The following F10 variants were observed in gnomAD, a reference collection of about 807,000 sequenced individuals.
The protein encoded by F10 is Stuart-Prower factor.
F10 carries 29 observed loss-of-function variants against 37.1 expected under a neutral mutation model. The ratio of observed to expected loss-of-function variants is 0.78; its 90% CI spans 0.58 to 1.07. The LOEUF is 1.07. Ranked by LOEUF, F10 falls within the 50% of genes least tolerant of loss-of-function variation. F10 has a pLI of 0.00. For synonymous variants in F10, 262 were observed against 268.6 expected (o/e 0.98, Z 0.24); for missense variants, 539 against 667.9 (o/e 0.81, Z 2.13).
chr13:113,143,705 GGCCTCGCCC>G lies in F10; in HGVS notation c.503-145_503-137del. 1.8e-4 allele frequency: 219 copies of G among 1,192,568 alleles called. No homozygotes were observed. The highest frequency in any genetic ancestry group is 1.2e-3 in the Admixed American group (48 of 41,630). The allele number at this position is 1,192,568 out of a possible 1,614,324, so 73.9% of individuals were successfully genotyped here. A position where few individuals can be genotyped will look rare whatever the true frequency, so the allele number is the denominator to read the frequency against. On this transcript the variant is annotated intron_variant, in intron 5 of 7. Transcript: ENST00000375559. This position sits in a 1 kb window ranked among gnomAD's most constrained non-coding sequence, Gnocchi z 6.8. ...GATCCGACCCCTGCCGACGACGTGG[GGCCTCGCCC>G]TGCAAGCCCGCTGCCCCTCCGGGTG... is the stretch of plus-strand genomic sequence containing the variant.
Position 113,144,021 on chromosome 13 carries a change from C to A in F10, c.673C>A (p.Pro225Thr). The part of the protein sequence containing the change: ...FDLLDFNQTQ[P>T]ERGDNNLTRI... ...CCTGCTTGACTTCAACCAGACGCAG[C>A]CTGAGAGGGGCGACAACAACCTCAC... The change falls in exon 6 of 8, where the codon CCT becomes ACT. Residue 225 changes from proline to threonine, a missense_variant. Around this residue, in one of 2 missense-constraint regions of F10, gnomAD observed 409 missense variants for 547.9 expected, o/e 0.75. Coordinates refer to ENST00000375559, the MANE Select transcript of F10 (RefSeq NM_000504.4). This position sits in a 1 kb window ranked among gnomAD's most constrained non-coding sequence, Gnocchi z 6.4. The A allele has an allele frequency of 6.2e-7, 1 of 1,613,836 alleles. No homozygotes were observed. The highest frequency in any genetic ancestry group is 8.5e-7 in the Non-Finnish European group (1 of 1,179,996).
chr13:113,142,089 G>A (rs1338268290), intron 5 of F10, among the ~76,000 whole-genome samples: 1 of 152,238 alleles, frequency 6.6e-6, no homozygotes, highest in Non-Finnish European at 1.5e-5. Context: ...CTTCAATTAT[G>A]TGCCTGAAAC....
chr13:113,143,702 TGGGGCC>T lies in F10; in HGVS notation c.503-148_503-143del. ...GCAGATCCGACCCCTGCCGACGACG[TGGGGCC>T]TCGCCCTGCAAGCCCGCTGCCCCTC... On this transcript the variant is annotated intron_variant, in intron 5 of 7. Transcript: ENST00000375559. This position sits in a 1 kb window ranked among gnomAD's most constrained non-coding sequence, Gnocchi z 6.8. The T allele has an allele frequency of 9.2e-5, 106 of 1,153,298 alleles. No homozygotes were observed. Among genetic ancestry groups the T allele is most frequent in the Admixed American group, 5.1e-4 (21 of 40,964 alleles). The allele number at this position is 1,153,298 out of a possible 1,614,324, so 71.4% of individuals were successfully genotyped here.
rs1435923649 is a variant in F10, at chr13:113,129,554, T to C, written c.173T>C (p.Met58Thr). Residue 58 changes from methionine to threonine, a missense_variant, in exon 2 of 8, where the codon ATG becomes ACG. Around this residue, in one of 2 missense-constraint regions of F10, gnomAD observed 130 missense variants for 120.0 expected, o/e 1.08. Transcript: ENST00000375559. ...MKKGHLEREC[M>T]EETCSYEEAR... ...AAAGGACACCTCGAAAGAGAGTGCA[T>C]GGAAGAGACCTGCTCATACGAAGAG... The C allele has an allele frequency of 6.2e-7, 1 of 1,613,998 alleles. No homozygotes were observed. The highest frequency in any genetic ancestry group is 8.5e-7 in the Non-Finnish European group (1 of 1,180,008).
At chr13:113,130,172 G>T (rs1355397332) in intron 2 of F10, 1 of 184,986 alleles carries the variant, frequency 5.4e-6, no homozygotes, top group African/African-American at 2.4e-5. Context: ...GACACGCACT[G>T]AGGCCAGGCC....
In F10 at chr13:113,140,856, T is replaced by A. The variant is rs1301212246; in HGVS notation, c.371-63T>A. 3.8e-5 allele frequency: 61 copies of A among 1,612,124 alleles called. No individual in the cohort carries two copies. The East Asian group carries it at 1.3e-3, about 35-fold the overall frequency. ...AGGCAAGTGGATGTAGCTGGCACCC[T>A]TGGGCCAGCCCAGCCTCCATTTCTC... is the stretch of plus-strand genomic sequence containing the variant. On this transcript the variant is annotated intron_variant, in intron 4 of 7. Transcript: ENST00000375559.
At chr13:113,127,010 A>T (rs2036377061) in intron 1 of F10, among the ~76,000 whole-genome samples, 1 of 152,220 alleles carries the variant, frequency 6.6e-6, no homozygotes, top group South Asian at 2.1e-4. Context: ...GAAATAATAA[A>T]TCTAAGTCTA....
In F10 at chr13:113,131,002, C is replaced by G. The variant is rs150353308; in HGVS notation, c.231+1390C>G. On this transcript the variant is annotated intron_variant, in intron 2 of 7. Coordinates refer to ENST00000375559, the MANE Select transcript of F10 (RefSeq NM_000504.4). ...TACTTTAGCCTCAAAGGCAAGGAGA[C>G]CCAATATTATTTGAGTACTTGGATT... 2.6e-5 allele frequency: 4 copies of G among 152,330 alleles called. No individual in the cohort carries two copies. In the East Asian group the frequency reaches 7.7e-4, roughly 29 times the overall value. The allele number at this position is 152,330 out of a possible 1,614,324, so 9.4% of individuals were successfully genotyped here.
Position 113,143,699 on chromosome 13 carries a change from A to AAGATAAC in F10, c.503-152_503-151insAGATAAC. The AAGATAAC allele has an allele frequency of 5.8e-6, 7 of 1,203,556 alleles. No individual in the cohort carries two copies. Among genetic ancestry groups the AAGATAAC allele is most frequent in the Admixed American group, 4.3e-5 (2 of 46,648 alleles). 74.6% of individuals were successfully genotyped at this position (1,203,556 alleles called of 1,614,324 possible). ...CCTGCAGATCCGACCCCTGCCGACGACGTGGGGCCTCGCCCTGCAAGCCCG... is the reference window on the plus strand; with the variant it reads ...CCTGCAGATCCGACCCCTGCCGACGAAGATAACCGTGGGGCCTCGCCCTGCAAGCCCG... On this transcript the variant is annotated intron_variant, in intron 5 of 7. Transcript: ENST00000375559. The surrounding 1 kb of genome is among the most constrained non-coding windows in gnomAD (Gnocchi z 6.8).
In F10 at chr13:113,143,920, G is replaced by A; in HGVS notation, c.572G>A (p.Ser191Asn). 6.2e-7 allele frequency: 1 copy of A among 1,613,398 alleles called. No homozygotes were observed. Among genetic ancestry groups the A allele is most frequent in the Non-Finnish European group, 8.5e-7 (1 of 1,180,010 alleles). The change falls in exon 6 of 8, where the codon AGC becomes AAC. Residue 191 changes from serine (S) to asparagine (N), a missense_variant. Around this residue, in one of 2 missense-constraint regions of F10, gnomAD observed 409 missense variants for 547.9 expected, o/e 0.75. Coordinates refer to ENST00000375559, the MANE Select transcript of F10 (RefSeq NM_000504.4). The surrounding 1 kb of genome is among the most constrained non-coding windows in gnomAD (Gnocchi z 6.8). ...KRSVAQATSS[S>N]GEAPDSITWK... ...TCAGTGGCCCAGGCCACCAGCAGCA[G>A]CGGGGAGGCCCCTGACAGCATCACA... is the stretch of plus-strand genomic sequence containing the variant.
rs1555395926 is a variant in F10, at chr13:113,142,761, A to AG, written c.503-1090_503-1089insG. On this transcript the variant is annotated intron_variant, in intron 5 of 7. Transcript: ENST00000375559. ...GCCAACATGGTGAAACCCTGTCTCT[A>AG]TAAAAAAAAAAATACAAAAACTTAG... Among the ~76,000 whole-genome samples the AG allele has an allele frequency of 2.7e-5, 2 of 75,304 alleles. 1 individual carries two copies. 49.4% of individuals were successfully genotyped at this position (75,304 alleles called of 152,430 possible). A position where few individuals can be genotyped will look rare whatever the true frequency, so the allele number is the denominator to read the frequency against.
At chr13:113,129,340 C>T (rs908688609) in intron 1 of F10, 112 bp from the exon 2 acceptor site, 36 of 1,368,778 alleles carry the variant, frequency 2.6e-5, no homozygotes, top group East Asian at 2.3e-5. Flanking sequence ...GAGAGTGATC[C>T]GCCTTTTGTG....
At chr13:113,138,603 C>T in intron 3 of F10, 122 bp downstream of exon 3, 2 of 695,764 alleles carry the variant, frequency 2.9e-6, no homozygotes, top group East Asian at 5.2e-5. Flanking sequence ...AAGACTTTTT[C>T]CCTCAGGGTG....
At position 113,139,184 on chromosome 13, in the gene F10, G is replaced by A. The variant is rs1386963490; in HGVS notation, c.257-173G>A. On this transcript the variant is annotated intron_variant, in intron 3 of 7. Transcript: ENST00000375559. This position sits in a 1 kb window ranked among gnomAD's most constrained non-coding sequence, Gnocchi z 5.2. The stretch of plus-strand genomic sequence containing the variant: ...CTAGATAAAGGCATCACGTACACAT[G>A]GCCACAAAAGGGGGTGGATCAAATA... Among the ~76,000 whole-genome samples, 1 of 152,150 alleles carries A rather than the reference G, an allele frequency of 6.6e-6. No individual in the cohort carries two copies. Among genetic ancestry groups the A allele is most frequent in the Non-Finnish European group, 1.5e-5 (1 of 68,026 alleles).
At chr13:113,134,891 CTAAA>C (rs2036464463) in intron 2 of F10, among the ~76,000 whole-genome samples, 2 of 152,020 alleles carry the variant, frequency 1.3e-5, no homozygotes, top group Non-Finnish European at 2.9e-5. Flanking sequence ...TTAAACAGAC[CTAAA>C]TAAATAGAGA....
intron 2 of F10, chr13:113,130,260 A>G (rs2036419487): frequency 6.3e-6 from 1 of 159,236 alleles, no homozygotes; most frequent in Non-Finnish European, 1.4e-5. Flanking sequence ...GCGCCTGCGC[A>G]GTAGGAGGAG....
Position 113,141,015 on chromosome 13 carries a change from C to A in F10, c.467C>A (p.Thr156Asn). The change falls in exon 5 of 8, where the codon ACC (threonine) becomes AAC (asparagine). Residue 156 changes from threonine (T) to asparagine (N), a missense_variant. Around this residue, in one of 2 missense-constraint regions of F10, gnomAD observed 409 missense variants for 547.9 expected, o/e 0.75. Transcript: ENST00000375559. This position sits in a 1 kb window ranked among gnomAD's most constrained non-coding sequence, Gnocchi z 5.4. ...GTGTGCTCCTGCGCCCGCGGGTACA[C>A]CCTGGCTGACAACGGCAAGGCCTGC... Reference protein sequence around the residue: ...SVVCSCARGYTLADNGKACIP... With the variant: ...SVVCSCARGYNLADNGKACIP... 6.2e-7 allele frequency: 1 copy of A among 1,614,054 alleles called. No individual in the cohort carries two copies. Among genetic ancestry groups the A allele is most frequent in the South Asian group, 1.1e-5 (1 of 91,084 alleles).
intron 2 of F10, chr13:113,132,091 CTT>C (rs1372696668): frequency 6.6e-6 from 1 of 152,244 alleles, no homozygotes; most frequent in Non-Finnish European, 1.5e-5. Flanking sequence ...ACTCAGATAT[CTT>C]TGCATTTCTG....
At chr13:113,131,754 G>A (rs540970840) in intron 2 of F10, 1 of 152,342 alleles carries the variant, frequency 6.6e-6, no homozygotes, top group Admixed American at 6.5e-5. Flanking sequence ...AGCACTTTGA[G>A]CTATTTGTCA....
Sources: gnomAD v4.1 joint callset for allele counts (sites outside exome capture counted in the v4.1 genomes callset) on GRCh38, gnomAD v4.1.1 for gene constraint, gnomAD v4.1.1 regional missense constraint, Gnocchi (gnomAD v3.1) non-coding constraint, MANE v1.5 for transcripts, NCBI Gene and HGNC (gene_info 2026-07-23, HGNC 2026-07-21) for gene names.